The following ZNF282 variants were observed in gnomAD, a reference collection of about 807,000 sequenced individuals.
The protein encoded by ZNF282 is HTLV-I U5 repressive element-binding protein 1.
In ZNF282, 30 loss-of-function variants were observed where a neutral mutation model predicts 61.9. The ratio of observed to expected loss-of-function variants is 0.48; its 90% CI spans 0.36 to 0.66. ZNF282 has a LOEUF of 0.66. Ranked by LOEUF, ZNF282 falls within the 30% of genes least tolerant of loss-of-function variation. The pLI, the probability that ZNF282 is intolerant of heterozygous loss-of-function variation, is 0.00. For missense variants in ZNF282, 788 were observed against 941.4 expected, an observed-to-expected ratio of 0.84 and a Z score of 2.13; for synonymous variants, 396 against 405.0, an observed-to-expected ratio of 0.98 and a Z score of 0.27.
intron 2 of ZNF282, among the ~76,000 whole-genome samples, chr7:149,200,519 T>C (rs1795890965): frequency 6.6e-6 from 1 of 152,206 alleles, no homozygotes; most frequent in Non-Finnish European, 1.5e-5. Context: ...GGGCCAGACC[T>C]CTGTCTTGGC....
At chr7:149,204,245 T>C (rs1795958669) in intron 2 of ZNF282, among the ~76,000 whole-genome samples, 1 of 152,226 alleles carries the variant, frequency 6.6e-6, no homozygotes, top group African/African-American at 2.4e-5. Context: ...AAAGATGATT[T>C]GACCTTTCGA....
intron 7 of ZNF282, among the ~76,000 whole-genome samples, chr7:149,222,924 G>C (rs1303714383): frequency 6.6e-6 from 1 of 152,086 alleles, no homozygotes; most frequent in Non-Finnish European, 1.5e-5. Flanking sequence ...GGGATTACAG[G>C]CGTGAGCCAC....
chr7:149,195,666 G>A lies in ZNF282; in HGVS notation c.77G>A (p.Ser26Asn). Reference protein sequence around the residue: ...QGLGLDSGSWSWAQALPPEEV... With the variant: ...QGLGLDSGSWNWAQALPPEEV... ...CTGGGGCTGGACAGCGGGAGCTGGAGCTGGGCCCAGGCTCTGCCCCCGGAG... is the reference window on the plus strand; with the variant it reads ...CTGGGGCTGGACAGCGGGAGCTGGAACTGGGCCCAGGCTCTGCCCCCGGAG... Residue 26 changes from serine (S) to asparagine (N), a missense_variant, in exon 1 of 8, where the codon AGC (serine) becomes AAC (asparagine). Physicochemically the swap from Ser to Asn is conservative, Grantham distance 46. Coordinates refer to ENST00000610704, the MANE Select transcript of ZNF282 (RefSeq NM_003575.4). The A allele has an allele frequency of 6.3e-7, 1 of 1,597,198 alleles. No homozygotes were observed. The highest frequency in any genetic ancestry group is 8.5e-7 in the Non-Finnish European group (1 of 1,173,106).
chr7:149,224,172 G>T lies in ZNF282; in HGVS notation c.1541G>T (p.Arg514Leu). The T allele has an allele frequency of 6.3e-7, 1 of 1,593,210 alleles. No individual in the cohort carries two copies. The highest frequency in any genetic ancestry group is 8.5e-7 in the Non-Finnish European group (1 of 1,174,944). The change falls in exon 8 of 8, where the codon CGC (arginine) becomes CTC (leucine). Residue 514 changes from arginine (R) to leucine (L), a missense_variant. Coordinates refer to ENST00000610704, the MANE Select transcript of ZNF282 (RefSeq NM_003575.4). ...LRRSLLLHGARSKPYSCPECG... is the reference protein window; with the variant it reads ...LRRSLLLHGALSKPYSCPECG... ...CGGAGCCTCCTCCTGCACGGCGCCC[G>T]CAGCAAGCCCTACTCGTGCCCCGAG... is the stretch of plus-strand genomic sequence containing the variant.
At chr7:149,195,907 G>A (rs1422875638) in intron 1 of ZNF282, among the ~76,000 whole-genome samples, 153 bp downstream of exon 1, 1 of 147,956 alleles carries the variant, frequency 6.8e-6, no homozygotes, top group African/African-American at 2.4e-5. Flanking sequence ...GGGCACGGCC[G>A]GGCTGCGCGG....
At chr7:149,219,665 G>A (rs1448288641) in intron 7 of ZNF282, among the ~76,000 whole-genome samples, 1 of 152,104 alleles carries the variant, frequency 6.6e-6, no homozygotes, top group Non-Finnish European at 1.5e-5. Context: ...TGGCCAACAT[G>A]GAGAGACCCT....
chr7:149,205,599 A>G (rs1347188818), intron 2 of ZNF282, among the ~76,000 whole-genome samples: 8 of 152,188 alleles, frequency 5.3e-5, no homozygotes, highest in East Asian at 3.8e-4. Context: ...GGGTGGGGCC[A>G]TGGCACTGAG....
At chr7:149,219,037 TG>T (rs2129523650) in intron 7 of ZNF282, among the ~76,000 whole-genome samples, 1 of 152,298 alleles carries the variant, frequency 6.6e-6, no homozygotes, top group African/African-American at 2.4e-5. Flanking sequence ...GAGTTTCTGT[TG>T]GGGCTTCTTT....
At chr7:149,220,390 C>A (rs966852618) in intron 7 of ZNF282, among the ~76,000 whole-genome samples, 7 of 151,826 alleles carry the variant, frequency 4.6e-5, no homozygotes, top group African/African-American at 1.7e-4. Flanking sequence ...CCAGCCTGCG[C>A]AACTGAGCCA....
At chr7:149,220,533 C>G (rs533406059) in intron 7 of ZNF282, among the ~76,000 whole-genome samples, 2 of 152,340 alleles carry the variant, frequency 1.3e-5, no homozygotes, top group Non-Finnish European at 2.9e-5. Flanking sequence ...CAGGTTCTTT[C>G]CAATTCCTTG....
Position 149,223,954 on chromosome 7 carries a change from C to T in ZNF282, c.1323C>T (p.Gly441=), listed in dbSNP as rs770907770. 1.3e-4 allele frequency: 171 copies of T among 1,302,862 alleles called. No individual in the cohort carries two copies. The highest frequency in any genetic ancestry group is 1.6e-4 in the Non-Finnish European group (160 of 1,028,250). 80.7% of individuals were successfully genotyped at this position (1,302,862 alleles called of 1,614,324 possible). Residue 441 remains glycine (G), a synonymous_variant, in exon 8 of 8, where the codon GGC becomes GGT. Coordinates refer to ENST00000610704, the MANE Select transcript of ZNF282 (RefSeq NM_003575.4). ...PPIAVAENPG[G]PPSRGLLDDG... is the part of the protein sequence containing the mutation. ...TCGCGGTGGCCGAGAACCCGGGCGG[C>T]CCCCCGAGCCGAGGGCTGCTGGACG...
rs1375984185 is a variant in ZNF282 at position 149,224,813 on chromosome 7, T to A, written c.*166T>A. On this transcript the variant is annotated 3_prime_UTR_variant, in exon 8 of 8. Coordinates refer to ENST00000610704, the MANE Select transcript of ZNF282 (RefSeq NM_003575.4). ...GCAGGGATCCCCCAGATCTGTCTGGTCTGAATGGACGCCCAGCTCATCTAG... is the reference window on the plus strand; with the variant it reads ...GCAGGGATCCCCCAGATCTGTCTGGACTGAATGGACGCCCAGCTCATCTAG... 2 of 1,248,542 alleles carry A rather than the reference T, an allele frequency of 1.6e-6. No individual in the cohort carries two copies. Among genetic ancestry groups the A allele is most frequent in the African/African-American group, 1.5e-5 (1 of 66,074 alleles). The allele number at this position is 1,248,542 out of a possible 1,614,324, so 77.3% of individuals were successfully genotyped here. A position where few individuals can be genotyped will look rare whatever the true frequency, so the allele number is the denominator to read the frequency against.
intron 2 of ZNF282, among the ~76,000 whole-genome samples, chr7:149,200,090 C>A (rs1339470858): frequency 6.6e-6 from 1 of 152,194 alleles, no homozygotes; most frequent in Non-Finnish European, 1.5e-5. Context: ...CTGCGGGCAT[C>A]TCTTCCATCT....
At chr7:149,197,023 G>A (rs1380945550) in intron 1 of ZNF282, among the ~76,000 whole-genome samples, 1 of 152,244 alleles carries the variant, frequency 6.6e-6, no homozygotes, top group Non-Finnish European at 1.5e-5. Flanking sequence ...TCCCAGGTGT[G>A]AAGGAGAGTC....
At chr7:149,211,693 C>T (rs983969723) in intron 5 of ZNF282, among the ~76,000 whole-genome samples, 2 of 152,108 alleles carry the variant, frequency 1.3e-5, no homozygotes, top group African/African-American at 2.4e-5. Flanking sequence ...CAAACCTCAT[C>T]CCCCCCTTAG....
At chr7:149,215,195 A>ATTTTTTTTTTTTTTTTTTTT (rs36096302) in intron 7 of ZNF282, among the ~76,000 whole-genome samples, 3 of 90,660 alleles carry the variant, frequency 3.3e-5, no homozygotes, top group Non-Finnish European at 6.2e-5. Flanking sequence ...ATTTCCTGAC[A>ATTTTTTTTTTTTTTTTTTTT]TTTTTTTTTT....
chr7:149,212,670 T>G (rs1019127855), intron 6 of ZNF282, among the ~76,000 whole-genome samples, 199 bp downstream of exon 6: 2 of 152,208 alleles, frequency 1.3e-5, no homozygotes, highest in East Asian at 3.9e-4. Context: ...AACCTCCGTT[T>G]CCCGGGTTTA....
chr7:149,217,324 G>A (rs2129523598), intron 7 of ZNF282, among the ~76,000 whole-genome samples: 1 of 152,294 alleles, frequency 6.6e-6, no homozygotes, highest in East Asian at 1.9e-4. Flanking sequence ...ATCACCTGAG[G>A]TCAGGAGTTC....
chr7:149,195,833 C>T, intron 1 of ZNF282, 79 bp downstream of exon 1: 1 of 1,215,542 alleles, frequency 8.2e-7, no homozygotes, highest in Non-Finnish European at 1.0e-6. Flanking sequence ...CGGGCCGCGC[C>T]GTCCTCCGGT....
Sources: gnomAD v4.1 joint callset for allele counts (sites outside exome capture counted in the v4.1 genomes callset) on GRCh38, gnomAD v4.1.1 for gene constraint, MANE v1.5 for transcripts, NCBI Gene and HGNC (gene_info 2026-07-23, HGNC 2026-07-21) for gene names.